The following MYEF2 variants were observed in gnomAD, a reference collection of about 807,000 sequenced individuals.
MYEF2 encodes the protein myelin expression factor 2.
MYEF2 carries 37 observed loss-of-function variants against 75.2 expected under a neutral mutation model. That is an observed-to-expected ratio of 0.49 (90% CI 0.38 to 0.65). The LOEUF is 0.65. MYEF2 is among the 30% of genes least tolerant of loss of function. The pLI is 0.00. For missense variants in MYEF2, 634 were observed against 771.4 expected (o/e 0.82, Z 2.11); for synonymous variants, 195 against 241.6 (o/e 0.81, Z 1.79).
Position 48,139,081 on chromosome 15 carries a change from G to A in MYEF2, c.*3827C>T. 1 of 1,613,018 alleles carries A rather than the reference G, an allele frequency of 6.2e-7. No homozygotes were observed. Among genetic ancestry groups the A allele is most frequent in the Non-Finnish European group, 8.5e-7 (1 of 1,179,320 alleles). On this transcript the variant is annotated 3_prime_UTR_variant, in exon 17 of 17. Coordinates refer to ENST00000324324, the MANE Select transcript of MYEF2 (RefSeq NM_016132.5). The stretch of plus-strand genomic sequence containing the variant: ...TAACCACACCAGATTGTAGAAAAAA[G>A]TTTTGGAAAAACTACTTTGTGATAA...
At chr15:48,145,206 G>A (rs187311965) in intron 16 of MYEF2, among the ~76,000 whole-genome samples, 187 of 151,814 alleles carry the variant, frequency 1.2e-3, no homozygotes, top group African/African-American at 4.4e-3. Context: ...TTTGTTTTAT[G>A]GTTAGACTGC....
chr15:48,162,280 T>C (rs111368543), intron 5 of MYEF2, among the ~76,000 whole-genome samples: 3 of 152,114 alleles, frequency 2.0e-5, no homozygotes, highest in Admixed American at 2.0e-4. Context: ...CTAAAATATT[T>C]TGAGCACTGT....
At position 48,148,050 on chromosome 15, in the gene MYEF2, A is replaced by C. The variant is rs2039354963; in HGVS notation, c.1639+982T>G. 1.3e-5 allele frequency among the ~76,000 whole-genome samples: 2 copies of C among 152,014 alleles called. 1 individual carries two copies. The highest frequency in any genetic ancestry group is 4.1e-4 in the South Asian group (2 of 4,828). On this transcript the variant is annotated intron_variant, in intron 16 of 16. Transcript: ENST00000324324. ...TAACTATTAATATAATAAAAGCTAC[A>C]AAAGAGTTAGATATAAAGAAATATG... is the stretch of plus-strand genomic sequence containing the variant.
At chr15:48,177,986 T>C in intron 1 of MYEF2, 91 bp downstream of exon 1, 2 of 1,482,068 alleles carry the variant, frequency 1.3e-6, no homozygotes, top group Non-Finnish European at 1.8e-6. Context: ...TGGGGGTGGT[T>C]GTCCCCCATC....
Position 48,138,909 on chromosome 15 carries a change from C to T in MYEF2, c.*3999G>A. ...ATTTCAATATAACTTTCTAAATAGG[C>T]ATTTCTAACTTAATTAGCCATTTGA... On this transcript the variant is annotated 3_prime_UTR_variant, in exon 17 of 17. Transcript: ENST00000324324. The T allele has an allele frequency of 1.6e-6, 2 of 1,232,882 alleles. No homozygotes were observed. The highest frequency in any genetic ancestry group is 2.7e-5 in the South Asian group (2 of 72,748). 76.4% of individuals were successfully genotyped at this position (1,232,882 alleles called of 1,614,324 possible).
At chr15:48,161,720 C>CT (rs968414127) in intron 5 of MYEF2, among the ~76,000 whole-genome samples, 1 of 150,294 alleles carries the variant, frequency 6.7e-6, no homozygotes, top group South Asian at 2.1e-4. Flanking sequence ...ATCCAATAAA[C>CT]TTTTTTTTCC....
intron 6 of MYEF2, among the ~76,000 whole-genome samples, chr15:48,159,316 C>A (rs1384482793): frequency 4.6e-5 from 7 of 151,982 alleles, no homozygotes; most frequent in African/African-American, 1.7e-4. Flanking sequence ...AAAAAGAAAT[C>A]CATTTACCAA....
In MYEF2 at chr15:48,136,561, A is replaced by C; in HGVS notation, c.*6347T>G. ...AATCTACAAAACAAAAAATATCTAGAAATGTTTGATTGTTCTATGGCTACT... is the reference window on the plus strand; with the variant it reads ...AATCTACAAAACAAAAAATATCTAGCAATGTTTGATTGTTCTATGGCTACT... On this transcript the variant is annotated 3_prime_UTR_variant, in exon 17 of 17. Transcript: ENST00000324324. The C allele has an allele frequency of 2.2e-6, 2 of 896,230 alleles. No homozygotes were observed. The highest frequency in any genetic ancestry group is 3.3e-6 in the Non-Finnish European group (2 of 607,510). 55.5% of individuals were successfully genotyped at this position (896,230 alleles called of 1,614,324 possible). A position where few individuals can be genotyped will look rare whatever the true frequency, so the allele number is the denominator to read the frequency against.
At chr15:48,165,813 A>T in intron 5 of MYEF2, 120 bp downstream of exon 5, 1 of 659,190 alleles carries the variant, frequency 1.5e-6, no homozygotes, top group Non-Finnish European at 2.6e-6. Flanking sequence ...ATAATGCTTT[A>T]ATGAACACCT....
intron 14 of MYEF2, 110 bp downstream of exon 14, chr15:48,150,990 C>T (rs2039470342): frequency 3.4e-6 from 2 of 590,822 alleles, no homozygotes; most frequent in Non-Finnish European, 5.8e-6. Flanking sequence ...TATAGCAAGA[C>T]ACATTAACGT....
At chr15:48,153,433 A>C (rs915496098) in intron 10 of MYEF2, 3 of 154,782 alleles carry the variant, frequency 1.9e-5, no homozygotes, top group Non-Finnish European at 2.9e-5. Context: ...CTGAAAAGCC[A>C]CCTTCCCAAA....
chr15:48,149,251 T>C lies in MYEF2; in HGVS notation c.1499A>G (p.Asp500Gly), dbSNP rs1374078173. Residue 500 changes from aspartate to glycine, a missense_variant, in exon 15 of 17, where the codon GAT becomes GGT. Physicochemically the swap from Asp to Gly is moderately conservative, Grantham distance 94. Transcript: ENST00000324324. This position sits in a 1 kb window ranked among gnomAD's most constrained non-coding sequence, Gnocchi z 4.0. ...ACCCGATAAAAATCCTCGATCCATA[T>C]CGATGCTCCTTTCCAGTATAGCTCC... ...GIGAILERSIDMDRGFLSGPM... is the reference protein window; with the variant it reads ...GIGAILERSIGMDRGFLSGPM... The C allele has an allele frequency of 1.2e-6, 2 of 1,613,300 alleles. No homozygotes were observed. The highest frequency in any genetic ancestry group is 1.7e-6 in the Non-Finnish European group (2 of 1,179,548).
chr15:48,158,065 A>C lies in MYEF2; in HGVS notation c.922-9T>G, dbSNP rs1373372875. 2 of 1,613,002 alleles carry C rather than the reference A, an allele frequency of 1.2e-6. No individual in the cohort carries two copies. Among genetic ancestry groups the C allele is most frequent in the Non-Finnish European group, 1.7e-6 (2 of 1,179,304 alleles). On this transcript the variant is annotated splice_polypyrimidine_tract_variant and intron_variant, in intron 8 of 16. Transcript: ENST00000324324. ...GGAACAGACTTGTCATCCTAATTGCAAGAAAGTTTATAATATGGTTAACAT... is the reference window on the plus strand; with the variant it reads ...GGAACAGACTTGTCATCCTAATTGCCAGAAAGTTTATAATATGGTTAACAT...
Position 48,139,191 on chromosome 15 carries a change from A to C in MYEF2, c.*3717T>G, listed in dbSNP as rs2038980016. On this transcript the variant is annotated 3_prime_UTR_variant, in exon 17 of 17. Coordinates refer to ENST00000324324, the MANE Select transcript of MYEF2 (RefSeq NM_016132.5). ...ACAATAACTGGTATGTATTTTAAGT[A>C]CAATAGCACAACTTGAAAATATTCA... 2 of 1,573,900 alleles carry C rather than the reference A, an allele frequency of 1.3e-6. No homozygotes were observed. The highest frequency in any genetic ancestry group is 1.7e-6 in the Non-Finnish European group (2 of 1,147,442).
intron 9 of MYEF2, among the ~76,000 whole-genome samples, chr15:48,155,320 T>C (rs879384512): frequency 1.3e-5 from 2 of 152,050 alleles, no homozygotes; most frequent in Non-Finnish European, 2.9e-5. Flanking sequence ...CCCAATAAAA[T>C]TTTTAATTCA....
In MYEF2 at chr15:48,142,024, T is replaced by C. The variant is rs757466712; in HGVS notation, c.*884A>G. 6.3e-7 allele frequency: 1 copy of C among 1,596,774 alleles called. No homozygotes were observed. Among genetic ancestry groups the C allele is most frequent in the Non-Finnish European group, 8.5e-7 (1 of 1,169,838 alleles). The stretch of plus-strand genomic sequence containing the variant: ...ACATTTTAACAGTATGCTTTTCTTT[T>C]GTAGGGAAAGGAGATATGGCTATGT... On this transcript the variant is annotated 3_prime_UTR_variant, in exon 17 of 17. Coordinates refer to ENST00000324324, the MANE Select transcript of MYEF2 (RefSeq NM_016132.5).
rs1329299660 is a variant in MYEF2, at chr15:48,142,594, C to T, written c.*314G>A. 1 of 446,274 alleles carries T rather than the reference C, an allele frequency of 2.2e-6. No homozygotes were observed. Among genetic ancestry groups the T allele is most frequent in the African/African-American group, 2.0e-5 (1 of 49,546 alleles). 27.6% of individuals were successfully genotyped at this position (446,274 alleles called of 1,614,324 possible). A position where few individuals can be genotyped will look rare whatever the true frequency, so the allele number is the denominator to read the frequency against. ...TATGTTTTACCATACAATAAGTTGA[C>T]AAAAACTGGAGAAACTAGAACAAAC... On this transcript the variant is annotated 3_prime_UTR_variant, in exon 17 of 17. Coordinates refer to ENST00000324324, the MANE Select transcript of MYEF2 (RefSeq NM_016132.5).
intron 16 of MYEF2, among the ~76,000 whole-genome samples, chr15:48,143,675 T>C (rs1320782548): frequency 6.6e-6 from 1 of 151,948 alleles, no homozygotes; most frequent in Non-Finnish European, 1.5e-5. Flanking sequence ...GAAATAGTCA[T>C]GGGAAGAGAT....
At chr15:48,161,624 C>G (rs1226142866) in intron 5 of MYEF2, among the ~76,000 whole-genome samples, 2 of 151,132 alleles carry the variant, frequency 1.3e-5, no homozygotes, top group African/African-American at 4.9e-5. Flanking sequence ...TACTGAGGAT[C>G]TACAATGTGC....
Sources: gnomAD v4.1 joint callset for allele counts (sites outside exome capture counted in the v4.1 genomes callset) on GRCh38, gnomAD v4.1.1 for gene constraint, Gnocchi (gnomAD v3.1) non-coding constraint, MANE v1.5 for transcripts, NCBI Gene and HGNC (gene_info 2026-07-23, HGNC 2026-07-21) for gene names.